Variants in DNAH14 observed in about 807,000 individuals in gnomAD.
DNAH14 encodes axonemal beta dynein heavy chain 14.
A neutral mutation model predicts 520.9 loss-of-function variants in DNAH14; 478 were observed. The ratio of observed to expected loss-of-function variants is 0.92; its 90% confidence interval spans 0.85 to 0.99. The LOEUF (loss-of-function observed/expected upper bound fraction) is 0.99, where lower values mean the gene tolerates loss of function less well. Among genes scored for constraint, DNAH14 ranks in the 50% least tolerant of loss-of-function variants. The probability of loss-of-function intolerance (pLI) is 0.00; values close to 1 mark genes in which losing one functional copy is unlikely to be tolerated. For synonymous variants in DNAH14, 1,581 were observed against 1,757.2 expected (o/e 0.90, Z 2.51); for missense variants, 4,831 against 5,234.5 (o/e 0.92, Z 2.38).
intron 22 of DNAH14, among the ~76,000 whole-genome samples, chr1:225,097,868 A>C (rs2075126520): frequency 6.6e-6 from 1 of 152,182 alleles, no homozygotes; most frequent in African/African-American, 2.4e-5. Flanking sequence ...TTTGATGTGA[A>C]TAATAAACAT....
chr1:225,335,487 A>ACGTGTGTACATGTGTGTATGCACATATG (rs2094952618), intron 66 of DNAH14, among the ~76,000 whole-genome samples: 2 of 127,932 alleles, frequency 1.6e-5, no homozygotes, highest in East Asian at 2.7e-4. Flanking sequence ...ATGCACATAT[A>ACGTGTGTACATGTGTGTATGCACATATG]CACGTGTGTA....
chr1:225,264,519 G>A (rs2093046636), intron 47 of DNAH14, among the ~76,000 whole-genome samples: 1 of 152,142 alleles, frequency 6.6e-6, no homozygotes, highest in Non-Finnish European at 1.5e-5. Flanking sequence ...ATCAGTGGAA[G>A]AGTAGACTAA....
At chr1:225,191,419 C>G (rs1359047890) in intron 37 of DNAH14, among the ~76,000 whole-genome samples, 1 of 152,078 alleles carries the variant, frequency 6.6e-6, no homozygotes, top group Non-Finnish European at 1.5e-5. Context: ...GGCCTTTGTG[C>G]TTTCTGATGA....
chr1:225,260,608 T>A (rs984654633), intron 46 of DNAH14, among the ~76,000 whole-genome samples: 1 of 152,048 alleles, frequency 6.6e-6, no homozygotes, highest in Non-Finnish European at 1.5e-5. Context: ...CCACAAGCTT[T>A]TTTTTTTCCC....
In DNAH14 at chr1:225,147,098, T is replaced by G. The variant is rs1480104; in HGVS notation, c.4795-6T>G. 7.4e-6 allele frequency: 11 copies of G among 1,476,714 alleles called. No individual in the cohort carries two copies. Among genetic ancestry groups the G allele is most frequent in the Non-Finnish European group, 9.0e-6 (10 of 1,112,034 alleles). 91.5% of individuals were successfully genotyped at this position (1,476,714 alleles called of 1,614,324 possible). A position where few individuals can be genotyped will look rare whatever the true frequency, so the allele number is the denominator to read the frequency against. On this transcript the variant is annotated splice_polypyrimidine_tract_variant and splice_region_variant and intron_variant, in intron 30 of 85. Coordinates refer to ENST00000682510, the MANE Select transcript of DNAH14 (RefSeq NM_001367479.1). Reference sequence around the variant, plus strand: ...TTAGTAATCAATCTCTTTTTTTTTTTAAAAGATAGTGAGAAAATTTTTCTT... The same window carrying G: ...TTAGTAATCAATCTCTTTTTTTTTTGAAAAGATAGTGAGAAAATTTTTCTT...
intron 11 of DNAH14, among the ~76,000 whole-genome samples, chr1:225,026,721 A>G (rs1472861313): frequency 6.6e-6 from 1 of 152,140 alleles, no homozygotes; most frequent in East Asian, 1.9e-4. Context: ...CTTCTTTTTC[A>G]ACATTGTTTT....
At chr1:225,111,324 AC>A (rs1449118890) in intron 23 of DNAH14, among the ~76,000 whole-genome samples, 3 of 151,892 alleles carry the variant, frequency 2.0e-5, no homozygotes, top group Non-Finnish European at 4.4e-5. Flanking sequence ...ATTTATATGC[AC>A]CTTGCTGAAT....
At position 225,335,243 on chromosome 1, in the gene DNAH14, AT is replaced by A. The variant is rs796325306; in HGVS notation, c.10080+1739del. Among the ~76,000 whole-genome samples, 846 of 124,248 alleles carry A rather than the reference AT, an allele frequency of 6.8e-3. 91 individuals are homozygous for A. The East Asian group carries it at 0.089, about 13-fold the overall frequency. 81.5% of individuals were successfully genotyped at this position (124,248 alleles called of 152,430 possible). On this transcript the variant is annotated intron_variant, in intron 66 of 85. Coordinates refer to ENST00000682510, the MANE Select transcript of DNAH14 (RefSeq NM_001367479.1). ...TATATGCACATATACACATGTGTAC[AT>A]TGTGTGTATATGCACATATACACGT...
chr1:225,008,575 C>CTTTTTTTTTTTTTTTTTTTTTTTT (rs57331050), intron 10 of DNAH14, among the ~76,000 whole-genome samples: 1 of 98,308 alleles, frequency 1.0e-5, no homozygotes, highest in African/African-American at 4.2e-5. Flanking sequence ...TTTTTCCTGA[C>CTTTTTTTTTTTTTTTTTTTTTTTT]TTTTTTTTTT....
chr1:224,945,441 T>C (rs2059736967), intron 1 of DNAH14, among the ~76,000 whole-genome samples: 1 of 152,216 alleles, frequency 6.6e-6, no homozygotes, highest in African/African-American at 2.4e-5. Context: ...GGTTTGAACT[T>C]GCTCTTTTAG....
rs1239613090 is a variant in DNAH14 at position 224,968,875 on chromosome 1, G to A, written c.767+1G>A. On this transcript the variant is annotated splice_donor_variant, in intron 7 of 85. Transcript: ENST00000682510. LOFTEE classifies it high-confidence loss of function. ...AATTCAAGATATTTTCTGATTTCCG[G>A]TGAGGTGAAAAAAATGAAACCAATT... is the stretch of plus-strand genomic sequence containing the variant. 4 of 1,530,180 alleles carry A rather than the reference G, an allele frequency of 2.6e-6. No homozygotes were observed. The South Asian group carries it at 3.7e-5, about 14-fold the overall frequency. The allele number at this position is 1,530,180 out of a possible 1,614,324, so 94.8% of individuals were successfully genotyped here.
chr1:225,044,540 T>C (rs553306254), intron 15 of DNAH14, among the ~76,000 whole-genome samples: 2 of 152,256 alleles, frequency 1.3e-5, no homozygotes, highest in Non-Finnish European at 2.9e-5. Context: ...TGGTGTCTAA[T>C]GCATTGTTTG....
intron 81 of DNAH14, 103 bp downstream of exon 81, chr1:225,381,682 G>A (rs2095785504): frequency 1.1e-6 from 1 of 935,790 alleles, no homozygotes. Flanking sequence ...GATGAAATAT[G>A]TAACTCTTAA....
intron 1 of DNAH14, among the ~76,000 whole-genome samples, chr1:224,943,445 G>C (rs924549236): frequency 1.3e-5 from 2 of 152,062 alleles, no homozygotes; most frequent in Non-Finnish European, 2.9e-5. Flanking sequence ...CAAAAAACCA[G>C]CTCCTGGATT....
At chr1:225,114,434 G>A (rs2076710495) in intron 23 of DNAH14, among the ~76,000 whole-genome samples, 1 of 152,124 alleles carries the variant, frequency 6.6e-6, no homozygotes, top group Non-Finnish European at 1.5e-5. Context: ...TTGGAGCTGG[G>A]AGCTGTGCTG....
chr1:225,007,547 A>G lies in DNAH14; in HGVS notation c.1107+3A>G, dbSNP rs1163237565. On this transcript the variant is annotated splice_donor_region_variant and intron_variant, in intron 10 of 85. Coordinates refer to ENST00000682510, the MANE Select transcript of DNAH14 (RefSeq NM_001367479.1). ...AGATGAAAAGTACTTTTCTAAAGGT[A>G]ATTCTTTAATTATATCATATTTATC... is the stretch of plus-strand genomic sequence containing the variant. 2 of 1,513,588 alleles carry G rather than the reference A, an allele frequency of 1.3e-6. No individual in the cohort carries two copies. Among genetic ancestry groups the G allele is most frequent in the African/African-American group, 2.8e-5 (2 of 71,616 alleles). 93.8% of individuals were successfully genotyped at this position (1,513,588 alleles called of 1,614,324 possible). A position where few individuals can be genotyped will look rare whatever the true frequency, so the allele number is the denominator to read the frequency against.
intron 23 of DNAH14, among the ~76,000 whole-genome samples, chr1:225,105,166 G>A (rs941059457): frequency 6.6e-6 from 1 of 152,190 alleles, no homozygotes; most frequent in Non-Finnish European, 1.5e-5. Context: ...TCAGGAGCAG[G>A]TTGTTCCTTT....
chr1:225,288,492 T>C (rs1407681894), intron 54 of DNAH14, among the ~76,000 whole-genome samples: 1 of 152,148 alleles, frequency 6.6e-6, no homozygotes, highest in East Asian at 1.9e-4. Context: ...AATAATAATA[T>C]ATCAATTTTG....
At chr1:225,196,451 A>C (rs1205260173) in intron 38 of DNAH14, among the ~76,000 whole-genome samples, 1 of 152,102 alleles carries the variant, frequency 6.6e-6, no homozygotes, top group Non-Finnish European at 1.5e-5. Flanking sequence ...ATGTTTTTGC[A>C]ATTGTGAATT....
Sources: allele counts gnomAD v4.1 joint callset (sites outside exome capture counted in the v4.1 genomes callset), GRCh38; gene constraint gnomAD v4.1.1; transcripts MANE v1.5; gene names NCBI Gene and HGNC (gene_info 2026-07-23, HGNC 2026-07-21).